TMOD4: variants seen among roughly 807,000 people sequenced by gnomAD.
TMOD4 encodes the protein tropomodulin 4, also known as tropomodulin-4.
Under a neutral mutation model 45.4 loss-of-function variants are expected in TMOD4, and 34 were observed. The ratio of observed to expected loss-of-function variants is 0.75; its 90% CI spans 0.57 to 1.00. The LOEUF (loss-of-function observed/expected upper bound fraction) is 1.00. Ranked by LOEUF, TMOD4 falls within the 50% of genes least tolerant of loss-of-function variation. The pLI is 0.00. For missense variants in TMOD4, 399 were observed against 437.5 expected, an observed-to-expected ratio of 0.91 and a Z score of 0.78; for synonymous variants, 131 against 153.9, an observed-to-expected ratio of 0.85 and a Z score of 1.10.
intron 9 of TMOD4, 30 bp downstream of exon 9, chr1:151,170,489 A>C: frequency 6.2e-7 from 1 of 1,612,746 alleles, no homozygotes; most frequent in Non-Finnish European, 8.5e-7. Flanking sequence ...TTCCCTGACC[A>C]CTCCACACAT....
At position 151,171,645 on chromosome 1, in the gene TMOD4, C is replaced by T; in HGVS notation, c.606G>A (p.Leu202=). The T allele has an allele frequency of 6.2e-7, 1 of 1,614,086 alleles. No individual in the cohort carries two copies. Among genetic ancestry groups the T allele is most frequent in the Non-Finnish European group, 8.5e-7 (1 of 1,180,006 alleles). ...SNDKELEEVN[L]NNIQDIPIPM... is the part of the protein sequence containing the mutation. ...GCAAGTCAAATACCTGTATATTATTCAAGTTCACCTCCTCCAGCTCCTTGT... is the reference window on the plus strand; with the variant it reads ...GCAAGTCAAATACCTGTATATTATTTAAGTTCACCTCCTCCAGCTCCTTGT... Residue 202 remains leucine (L), a synonymous_variant, in exon 6 of 10, where the codon TTG becomes TTA. Coordinates refer to ENST00000295314, the MANE Select transcript of TMOD4 (RefSeq NM_013353.3).
intron 3 of TMOD4, among the ~76,000 whole-genome samples, chr1:151,174,089 G>A (rs587661568): frequency 6.6e-6 from 1 of 152,112 alleles, no homozygotes; most frequent in Admixed American, 6.6e-5. Context: ...GGTGGTGGGC[G>A]CCTGTAGTCC....
At chr1:151,173,049 C>T (rs1370284219) in intron 4 of TMOD4, among the ~76,000 whole-genome samples, 2 of 152,154 alleles carry the variant, frequency 1.3e-5, no homozygotes, top group African/African-American at 2.4e-5. Flanking sequence ...TCTCGATCTC[C>T]TGACCTCGTG....
chr1:151,170,523 T>G lies in TMOD4; in HGVS notation c.1011A>C (p.Glu337Asp), dbSNP rs779228084. The stretch of plus-strand genomic sequence containing the variant: ...ATCATGTCTGCAGTTACTCACGTAG[T>G]TCATTGTTTCGGGTCATGGCCTGGG... Reference protein sequence around the residue: ...RAAQAMTRNNELRRQQKKR With the variant: ...RAAQAMTRNNDLRRQQKKR Residue 337 changes from glutamate (E) to aspartate (D), a missense_variant, in exon 9 of 10, where the codon GAA becomes GAC. Glu to Asp is a conservative substitution (Grantham distance 45). Transcript: ENST00000295314. 1 of 1,614,170 alleles carries G rather than the reference T, an allele frequency of 6.2e-7. No homozygotes were observed. The highest frequency in any genetic ancestry group is 1.7e-5 in the Admixed American group (1 of 60,014).
chr1:151,173,414 G>A (rs1301262076), intron 4 of TMOD4, 85 bp downstream of exon 4: 2 of 942,514 alleles, frequency 2.1e-6, no homozygotes, highest in Non-Finnish European at 3.5e-6. Context: ...CATTCTGGTT[G>A]AGGGCCTTCC....
chr1:151,174,298 G>C, intron 3 of TMOD4, 93 bp downstream of exon 3: 1 of 1,404,956 alleles, frequency 7.1e-7, no homozygotes, highest in African/African-American at 1.4e-5. Flanking sequence ...GCAACTAGGA[G>C]CTGGAAGGTG....
intron 9 of TMOD4, 41 bp downstream of exon 9, chr1:151,170,478 C>A (rs760973681): frequency 1.9e-6 from 3 of 1,608,488 alleles, no homozygotes; most frequent in South Asian, 1.1e-5. Flanking sequence ...AATTTCTGCA[C>A]TTCCCTGACC....
Position 151,170,929 on chromosome 1 carries a change from T to C in TMOD4, c.861A>G (p.Val287=). The change falls in exon 8 of 10, where the codon GTA becomes GTG. Residue 287 remains valine (V), a synonymous_variant. Coordinates refer to ENST00000295314, the MANE Select transcript of TMOD4 (RefSeq NM_013353.3). ...RENATLTELR[V]DNQRQWPGDA... ...GGAAGGGAATGCTGACCTGATTGTC[T>C]ACACGGAGCTCAGTGAGTGTGGCAT... The C allele has an allele frequency of 1.9e-6, 3 of 1,614,126 alleles. No individual in the cohort carries two copies. The highest frequency in any genetic ancestry group is 2.5e-6 in the Non-Finnish European group (3 of 1,180,020).
chr1:151,173,372 A>AC, intron 4 of TMOD4, 127 bp downstream of exon 4: 1 of 701,798 alleles, frequency 1.4e-6, no homozygotes, highest in Non-Finnish European at 2.5e-6. Context: ...GAAAAGCTTG[A>AC]AACTACTGCT....
chr1:151,174,688 C>A lies in TMOD4; in HGVS notation c.123+65G>T, dbSNP rs1189367802. On this transcript the variant is annotated intron_variant, in intron 2 of 9. Coordinates refer to ENST00000295314, the MANE Select transcript of TMOD4 (RefSeq NM_013353.3). ...TGTAGCAAACCCTATTCTCAGCCAC[C>A]CAGAGCCCAACACCCTTCCCAAATG... 3.1e-6 allele frequency: 5 copies of A among 1,609,262 alleles called. No homozygotes were observed. The Admixed American group carries it at 5.0e-5, about 16-fold the overall frequency.
At chr1:151,173,400 T>G (rs966510222) in intron 4 of TMOD4, 99 bp downstream of exon 4, 1 of 813,978 alleles carries the variant, frequency 1.2e-6, no homozygotes, top group Non-Finnish European at 2.1e-6. Flanking sequence ...TTCTTAGACA[T>G]CCACATTCTG....
chr1:151,174,429 T>G lies in TMOD4; in HGVS notation c.242A>C (p.Glu81Ala). The G allele has an allele frequency of 6.2e-7, 1 of 1,614,102 alleles. No homozygotes were observed. Among genetic ancestry groups the G allele is most frequent in the Non-Finnish European group, 8.5e-7 (1 of 1,180,012 alleles). Residue 81 changes from glutamate (E) to alanine (A), a missense_variant, in exon 3 of 10, where the codon GAG becomes GCG. Coordinates refer to ENST00000295314, the MANE Select transcript of TMOD4 (RefSeq NM_013353.3). Reference protein sequence around the residue: ...YLEQQALEVKERDDLVPFTGE... With the variant: ...YLEQQALEVKARDDLVPFTGE... ...TGTGAAGGGCACCAAGTCATCACGC[T>G]CTTTGACTTCTAGTGCCTGTTGCTC...
rs1684048510 is a variant in TMOD4, at chr1:151,174,533, T to C, written c.138A>G (p.Pro46=). Residue 46 remains proline, a synonymous_variant, in exon 3 of 10, where the codon CCA becomes CCG. Coordinates refer to ENST00000295314, the MANE Select transcript of TMOD4 (RefSeq NM_013353.3). ...TCTGGTCACGTTGTCTTAGTCCAGCTGGCAGGAGCATGTTCTTAGGGATGA... is the reference window on the plus strand; with the variant it reads ...TCTGGTCACGTTGTCTTAGTCCAGCCGGCAGGAGCATGTTCTTAGGGATGA... ...QEMDPENMLL[P]AGLRQRDQTK... 1.2e-6 allele frequency: 2 copies of C among 1,613,918 alleles called. No individual in the cohort carries two copies. Among genetic ancestry groups the C allele is most frequent in the African/African-American group, 2.7e-5 (2 of 74,940 alleles).
rs1304434394 is a variant in TMOD4 at position 151,174,901 on chromosome 1, T to C, written c.-26A>G. The C allele has an allele frequency of 6.2e-7, 1 of 1,613,652 alleles. No individual in the cohort carries two copies. The highest frequency in any genetic ancestry group is 2.2e-5 in the East Asian group (1 of 44,884). Reference sequence around the variant, plus strand: ...GGTGGCCCCCACCCCCTCCCCACTGTGTGGTACTCACAGAGCCTGGGCAAC... The same window carrying C: ...GGTGGCCCCCACCCCCTCCCCACTGCGTGGTACTCACAGAGCCTGGGCAAC... On this transcript the variant is annotated 5_prime_UTR_variant, in exon 2 of 10. Coordinates refer to ENST00000295314, the MANE Select transcript of TMOD4 (RefSeq NM_013353.3).
chr1:151,170,168 TCTC>T (rs2101708982), intron 9 of TMOD4, 65 bp from the exon 10 acceptor site: 3 of 1,592,856 alleles, frequency 1.9e-6, no homozygotes, highest in East Asian at 2.2e-5. Context: ...AAGGCACTCT[TCTC>T]CTTTCCAGTC....
chr1:151,170,126 A>C lies in TMOD4; in HGVS notation c.1016-23T>G, dbSNP rs1452058520. 11 of 1,614,112 alleles carry C rather than the reference A, an allele frequency of 6.8e-6. No individual in the cohort carries two copies. In the South Asian group the frequency reaches 1.2e-4, roughly 18 times the overall value. ...GACCTGTAAAGGAGCAATATTAAAC[A>C]TAAGTGTTTGTTCCAGCTCCTGCTT... On this transcript the variant is annotated intron_variant, in intron 9 of 9. Coordinates refer to ENST00000295314, the MANE Select transcript of TMOD4 (RefSeq NM_013353.3).
chr1:151,170,488 C>A (rs1331891093), intron 9 of TMOD4, 31 bp downstream of exon 9: 4 of 1,612,916 alleles, frequency 2.5e-6, no homozygotes, highest in Non-Finnish European at 3.4e-6. Flanking sequence ...CTTCCCTGAC[C>A]ACTCCACACA....
chr1:151,172,480 T>C, intron 4 of TMOD4, 123 bp from the exon 5 acceptor site: 1 of 716,610 alleles, frequency 1.4e-6, no homozygotes, highest in Admixed American at 2.5e-5. Context: ...GCCAAAGAAG[T>C]TTCCCACCCT....
Position 151,170,512 on chromosome 1 carries a change from TACTC to T in TMOD4, c.1015+3_1015+6del, listed in dbSNP as rs1683916765. 3.7e-6 allele frequency: 6 copies of T among 1,614,080 alleles called. No individual in the cohort carries two copies. Among genetic ancestry groups the T allele is most frequent in the African/African-American group, 1.3e-5 (1 of 74,938 alleles). On this transcript the variant is annotated splice_donor_5th_base_variant and intron_variant, in intron 9 of 9. Transcript: ENST00000295314. ...CCACTCCACACATCATGTCTGCAGT[TACTC>T]ACGTAGTTCATTGTTTCGGGTCATG... is the stretch of plus-strand genomic sequence containing the variant.
Sources: gnomAD v4.1 joint callset for allele counts (sites outside exome capture counted in the v4.1 genomes callset) on GRCh38, gnomAD v4.1.1 for gene constraint, MANE v1.5 for transcripts, NCBI Gene and HGNC (gene_info 2026-07-23, HGNC 2026-07-21) for gene names.